CLSTN2: variants seen among roughly 807,000 people sequenced by gnomAD.
CLSTN2 encodes calsyntenin 2.
CLSTN2 carries 48 observed loss-of-function variants against 101.2 expected under a neutral mutation model. The observed-to-expected ratio is 0.47, with a 90% confidence interval of 0.38 to 0.60. CLSTN2 has a LOEUF of 0.60. CLSTN2 is among the 20% of genes least tolerant of loss of function. CLSTN2 has a pLI of 0.00. For missense variants in CLSTN2, 1,160 were observed against 1,238.2 expected (o/e 0.94, Z 0.95); for synonymous variants, 481 against 463.6 (o/e 1.04, Z -0.48).
At chr3:140,150,831 A>G (rs993392826) in intron 1 of CLSTN2, among the ~76,000 whole-genome samples, 16 of 152,114 alleles carry the variant, frequency 1.1e-4, no homozygotes, top group African/African-American at 3.6e-4. Flanking sequence ...TCTGCTTCCC[A>G]GGGAACCCAC....
rs558179426 is a variant in CLSTN2, at chr3:140,256,074, A to G, written c.232+80001A>G. 2.0e-5 allele frequency among the ~76,000 whole-genome samples: 3 copies of G among 152,320 alleles called. No individual in the cohort carries two copies. In the East Asian group the frequency reaches 5.8e-4, roughly 29 times the overall value. ...CCCACATTTTTCTGATGTGAGGGTC[A>G]TGGATAGTGTGAGATAATAAAGCTA... On this transcript the variant is annotated intron_variant, in intron 2 of 16. Coordinates refer to ENST00000458420, the MANE Select transcript of CLSTN2 (RefSeq NM_022131.3).
intron 9 of CLSTN2, among the ~76,000 whole-genome samples, chr3:140,540,543 C>A (rs771053354): frequency 1.3e-5 from 2 of 152,170 alleles, no homozygotes; most frequent in Non-Finnish European, 2.9e-5. Flanking sequence ...ATTTGCATTG[C>A]TTAAAATTGA....
intron 15 of CLSTN2, among the ~76,000 whole-genome samples, chr3:140,563,499 C>T (rs10935386): frequency 0.64 from 97,560 of 151,932 alleles, 33,992 homozygotes; most frequent in Middle Eastern, 0.83. Flanking sequence ...CATGAGCCCT[C>T]TACACACACT....
chr3:139,998,535 G>A (rs553351247), intron 1 of CLSTN2, among the ~76,000 whole-genome samples: 2 of 130,428 alleles, frequency 1.5e-5, no homozygotes, highest in East Asian at 2.0e-4. Context: ...TAGTAGAGAC[G>A]GGGTTTCACC....
chr3:140,374,747 C>T (rs1476902567), intron 2 of CLSTN2, among the ~76,000 whole-genome samples: 2 of 152,122 alleles, frequency 1.3e-5, no homozygotes, highest in East Asian at 3.8e-4. Context: ...AAGTAGATAC[C>T]TGTTCTTTCT....
chr3:140,208,568 A>G (rs1379861882), intron 2 of CLSTN2, among the ~76,000 whole-genome samples: 2 of 152,004 alleles, frequency 1.3e-5, no homozygotes, highest in African/African-American at 4.8e-5. Context: ...ATTATTATTC[A>G]TTACTTTGGT....
At chr3:140,540,286 A>T (rs903823020) in intron 9 of CLSTN2, among the ~76,000 whole-genome samples, 3 of 152,220 alleles carry the variant, frequency 2.0e-5, no homozygotes, top group African/African-American at 7.2e-5. Context: ...GCAGAGTCAT[A>T]AAAATGAAAG....
intron 2 of CLSTN2, among the ~76,000 whole-genome samples, chr3:140,250,676 T>A (rs1357243709): frequency 6.6e-6 from 1 of 152,174 alleles, no homozygotes; most frequent in Non-Finnish European, 1.5e-5. Flanking sequence ...TGCATTCAGC[T>A]GCAATTGGAT....
chr3:140,412,901 A>G (rs1295814027), intron 4 of CLSTN2, among the ~76,000 whole-genome samples: 1 of 152,196 alleles, frequency 6.6e-6, no homozygotes, highest in Non-Finnish European at 1.5e-5. Context: ...TTTAAAAGGG[A>G]ATGATATAGG....
rs368494088 is a variant in CLSTN2, at chr3:140,379,188, G to T, written c.233-24441G>T. On this transcript the variant is annotated intron_variant, in intron 2 of 16. Transcript: ENST00000458420. Reference sequence around the variant, plus strand: ...TGAATCACTTTCCCCTTTAGTTGCTGCTGAGTGTTTGCCAGCAGGAGCTGA... The same window carrying T: ...TGAATCACTTTCCCCTTTAGTTGCTTCTGAGTGTTTGCCAGCAGGAGCTGA... Among the ~76,000 whole-genome samples the T allele has an allele frequency of 1.4e-4, 22 of 152,348 alleles. No homozygotes were observed. The East Asian group carries it at 3.3e-3, about 23-fold the overall frequency.
chr3:140,054,773 G>A (rs756461459), intron 1 of CLSTN2, among the ~76,000 whole-genome samples: 17 of 152,204 alleles, frequency 1.1e-4, no homozygotes, highest in Non-Finnish European at 2.4e-4. Context: ...ACTGTTAACT[G>A]TTTATCAAAG....
intron 1 of CLSTN2, among the ~76,000 whole-genome samples, chr3:140,035,237 A>G (rs938560603): frequency 6.6e-6 from 1 of 152,262 alleles, no homozygotes; most frequent in African/African-American, 2.4e-5. Context: ...AATTCTGATC[A>G]GTCCCAAGAC....
intron 2 of CLSTN2, among the ~76,000 whole-genome samples, chr3:140,342,197 T>G (rs1469996332): frequency 6.6e-6 from 1 of 152,168 alleles, no homozygotes; most frequent in African/African-American, 2.4e-5. Context: ...CATTACGGAC[T>G]GGGTAATTAT....
intron 2 of CLSTN2, among the ~76,000 whole-genome samples, chr3:140,335,699 A>G (rs1184942043): frequency 2.0e-5 from 3 of 152,244 alleles, no homozygotes; most frequent in Non-Finnish European, 2.9e-5. Context: ...GGGAGAATAC[A>G]AGTACTTACA....
intron 1 of CLSTN2, among the ~76,000 whole-genome samples, chr3:140,155,563 G>T (rs1238716759): frequency 6.6e-6 from 1 of 152,174 alleles, no homozygotes; most frequent in Non-Finnish European, 1.5e-5. Flanking sequence ...AAAAGAGCAG[G>T]TTACTCAGAT....
chr3:140,065,254 G>T (rs1006372128), intron 1 of CLSTN2, among the ~76,000 whole-genome samples: 2 of 152,212 alleles, frequency 1.3e-5, no homozygotes, highest in Admixed American at 6.5e-5. Context: ...CCGAAGGTCT[G>T]GGATGATTGG....
At chr3:140,032,073 C>T (rs1229908655) in intron 1 of CLSTN2, among the ~76,000 whole-genome samples, 1 of 152,180 alleles carries the variant, frequency 6.6e-6, no homozygotes, top group African/African-American at 2.4e-5. Flanking sequence ...GGACCCTTGA[C>T]CTCCTTCCCC....
At chr3:140,011,282 C>T (rs990407410) in intron 1 of CLSTN2, among the ~76,000 whole-genome samples, 4 of 152,194 alleles carry the variant, frequency 2.6e-5, no homozygotes, top group Non-Finnish European at 5.9e-5. Flanking sequence ...GCCTGTCACA[C>T]CTCCTCTGCT....
At chr3:139,958,282 G>T (rs2107813355) in intron 1 of CLSTN2, among the ~76,000 whole-genome samples, 1 of 152,222 alleles carries the variant, frequency 6.6e-6, no homozygotes, top group East Asian at 1.9e-4. Flanking sequence ...CAAGAATATT[G>T]CTGGCCACTC....
Sources: allele counts gnomAD v4.1 joint callset (sites outside exome capture counted in the v4.1 genomes callset), GRCh38; gene constraint gnomAD v4.1.1; transcripts MANE v1.5; gene names NCBI Gene and HGNC (gene_info 2026-07-23, HGNC 2026-07-21).